Variants in PCDHGA11 observed in about 807,000 individuals in gnomAD.
PCDHGA11 encodes protocadherin gamma subfamily A, 11.
PCDHGA11 carries 39 observed loss-of-function variants against 60.4 expected under a neutral mutation model. The observed-to-expected ratio is 0.65, with a 90% CI of 0.50 to 0.84. The LOEUF is 0.84. Ranked by LOEUF, PCDHGA11 falls within the 40% of genes least tolerant of loss-of-function variation. The pLI is 0.00. For missense variants in PCDHGA11, 1,165 were observed against 1,197.7 expected (o/e 0.97, Z 0.40); for synonymous variants, 533 against 510.3 (o/e 1.04, Z -0.60).
chr5:141,453,099 C>CT (rs568622146), intron 1 of PCDHGA11, among the ~76,000 whole-genome samples: 1 of 151,962 alleles, frequency 6.6e-6, no homozygotes, highest in East Asian at 1.9e-4. Flanking sequence ...TTTTCTGTTG[C>CT]TTTTTTGTTT....
Position 141,421,863 on chromosome 5 carries a change from C to T in PCDHGA11, c.636C>T (p.Leu212=), listed in dbSNP as rs767555107. Reference sequence around the variant, plus strand: ...AGAAAGAGGCTGCTCACCTGCTCCTCCTCACAGCTTTAGATGGAGGCGATC... The same window carrying T: ...AGAAAGAGGCTGCTCACCTGCTCCTTCTCACAGCTTTAGATGGAGGCGATC... ...DREKEAAHLL[L]LTALDGGDPI... Residue 212 remains leucine, a synonymous_variant, in exon 1 of 4, where the codon CTC becomes CTT. Transcript: ENST00000398587. The T allele has an allele frequency of 6.2e-7, 1 of 1,613,746 alleles. No individual in the cohort carries two copies. The highest frequency in any genetic ancestry group is 8.5e-7 in the Non-Finnish European group (1 of 1,179,890).
Position 141,489,358 on chromosome 5 carries a change from G to C in PCDHGA11, c.2434-5449G>C. 1 of 1,613,144 alleles carries C rather than the reference G, an allele frequency of 6.2e-7. No homozygotes were observed. The highest frequency in any genetic ancestry group is 1.7e-4 in the Middle Eastern group (1 of 6,052). On this transcript the variant is annotated intron_variant, in intron 1 of 3. Coordinates refer to ENST00000398587, the MANE Select transcript of PCDHGA11 (RefSeq NM_018914.3). The surrounding 1 kb of genome is among the most constrained non-coding windows in gnomAD (Gnocchi z 4.5). ...TCGTTACTCAGTGGTGGAGGAGTCT[G>C]AGCCGGGGACGCTGGTGGGGAATGT...
Position 141,485,181 on chromosome 5 carries a change from G to C in PCDHGA11, c.2434-9626G>C. 1 of 1,612,942 alleles carries C rather than the reference G, an allele frequency of 6.2e-7. No individual in the cohort carries two copies. Among genetic ancestry groups the C allele is most frequent in the East Asian group, 2.2e-5 (1 of 44,868 alleles). On this transcript the variant is annotated intron_variant, in intron 1 of 3. Transcript: ENST00000398587. This position sits in a 1 kb window ranked among gnomAD's most constrained non-coding sequence, Gnocchi z 5.7. ...AATTAGCGGGCGGCAGCAATGCTCC[G>C]CAAGGTGAGAAGCTGGACAGAAATC...
At position 141,490,118 on chromosome 5, in the gene PCDHGA11, T is replaced by G. The variant is rs1448768968; in HGVS notation, c.2434-4689T>G. The G allele has an allele frequency of 6.2e-7, 1 of 1,614,158 alleles. No individual in the cohort carries two copies. Among genetic ancestry groups the G allele is most frequent in the Non-Finnish European group, 8.5e-7 (1 of 1,180,048 alleles). On this transcript the variant is annotated intron_variant, in intron 1 of 3. Transcript: ENST00000398587. This position sits in a 1 kb window ranked among gnomAD's most constrained non-coding sequence, Gnocchi z 5.4. ...ACATCTGAGGCAGTGCGGAACCTCT[T>G]TGGCCTAGACCCTAGCAGTGGGGCA...
At chr5:141,454,567 C>T (rs572130062) in intron 1 of PCDHGA11, among the ~76,000 whole-genome samples, 10 of 150,966 alleles carry the variant, frequency 6.6e-5, no homozygotes, top group South Asian at 2.1e-4. Context: ...CCACCACGCC[C>T]GGCTAATTTT....
chr5:141,451,037 C>T (rs1293972996), intron 1 of PCDHGA11, among the ~76,000 whole-genome samples: 1 of 151,594 alleles, frequency 6.6e-6, no homozygotes, highest in Middle Eastern at 3.2e-3. Context: ...ACCATATTGG[C>T]CAGGCTGGTC....
At position 141,421,467 on chromosome 5, in the gene PCDHGA11, G is replaced by T. The variant is rs1436543181; in HGVS notation, c.240G>T (p.Pro80=). 1 of 1,614,132 alleles carries T rather than the reference G, an allele frequency of 6.2e-7. No homozygotes were observed. The highest frequency in any genetic ancestry group is 1.1e-5 in the South Asian group (1 of 91,088). ...AGACACAGCTTTTCGCTGTGAATCC[G>T]CGAAGCGGCAGCTTGATCACGGCAG... ...RGKTQLFAVN[P]RSGSLITAGR... is the part of the protein sequence containing the mutation. The change falls in exon 1 of 4, where the codon CCG becomes CCT. Residue 80 remains proline (P), a synonymous_variant. Transcript: ENST00000398587.
At chr5:141,465,852 G>A (rs1250863307) in intron 1 of PCDHGA11, among the ~76,000 whole-genome samples, 1 of 151,996 alleles carries the variant, frequency 6.6e-6, no homozygotes, top group East Asian at 1.9e-4. Context: ...GCTGGGCCCA[G>A]TGGCTCATGC....
chr5:141,461,921 T>G (rs2099026403), intron 1 of PCDHGA11, among the ~76,000 whole-genome samples: 1 of 152,222 alleles, frequency 6.6e-6, no homozygotes, highest in Non-Finnish European at 1.5e-5. Flanking sequence ...CCTCCTGGGT[T>G]CCAGCAATTC....
rs1215626157 is a variant in PCDHGA11, at chr5:141,487,804, GT to G, written c.2434-7000del. ...TCGTGAATTAACCAGAGTTGTCACAGTTTAGCATTGGGGGCGGGTCATGCCT... is the reference window on the plus strand; with the variant it reads ...TCGTGAATTAACCAGAGTTGTCACAGTTAGCATTGGGGGCGGGTCATGCCT... On this transcript the variant is annotated intron_variant, in intron 1 of 3. Transcript: ENST00000398587. The surrounding 1 kb of genome is among the most constrained non-coding windows in gnomAD (Gnocchi z 5.0). 15 of 1,451,846 alleles carry G rather than the reference GT, an allele frequency of 1.0e-5. No homozygotes were observed. The highest frequency in any genetic ancestry group is 1.3e-5 in the Non-Finnish European group (14 of 1,072,382). 89.9% of individuals were successfully genotyped at this position (1,451,846 alleles called of 1,614,324 possible).
Position 141,493,359 on chromosome 5 carries a change from G to A in PCDHGA11, c.2434-1448G>A, listed in dbSNP as rs956980110. Among the ~76,000 whole-genome samples the A allele has an allele frequency of 2.6e-5, 4 of 152,148 alleles. No homozygotes were observed. The highest frequency in any genetic ancestry group is 9.7e-5 in the African/African-American group (4 of 41,418). ...CCAGAATGTGTGCTTTTAATTTCTT[G>A]GCACTTGGAACTTTAAAAGCTTGAG... On this transcript the variant is annotated intron_variant, in intron 1 of 3. Transcript: ENST00000398587. This position sits in a 1 kb window ranked among gnomAD's most constrained non-coding sequence, Gnocchi z 4.3.
intron 1 of PCDHGA11, chr5:141,478,018 C>T: frequency 1.9e-6 from 3 of 1,614,124 alleles, no homozygotes; most frequent in Non-Finnish European, 2.5e-6. Context: ...CCCGTCCAGT[C>T]CAAGACACAG....
rs752316565 is a variant in PCDHGA11 at position 141,487,235 on chromosome 5, C to T, written c.2434-7572C>T. On this transcript the variant is annotated intron_variant, in intron 1 of 3. Coordinates refer to ENST00000398587, the MANE Select transcript of PCDHGA11 (RefSeq NM_018914.3). This position sits in a 1 kb window ranked among gnomAD's most constrained non-coding sequence, Gnocchi z 5.0. The stretch of plus-strand genomic sequence containing the variant: ...TTCAGCTCCAAGGGAAGGAGAATCT[C>T]GTCTAACCCTCTACTTGGCTGTGTC... The T allele has an allele frequency of 2.5e-6, 4 of 1,614,126 alleles. No individual in the cohort carries two copies. Among genetic ancestry groups the T allele is most frequent in the Non-Finnish European group, 3.4e-6 (4 of 1,179,994 alleles).
chr5:141,468,055 T>G (rs2099156893), intron 1 of PCDHGA11, among the ~76,000 whole-genome samples: 1 of 152,096 alleles, frequency 6.6e-6, no homozygotes, highest in Admixed American at 6.5e-5. Flanking sequence ...CCGGGCACAG[T>G]GGCTCACACC....
Position 141,489,179 on chromosome 5 carries a change from C to T in PCDHGA11, c.2434-5628C>T. ...AGACTTCAGCTGCTGCATTCCAAGC[C>T]CTGGGTCTACCTTGGAGACAGGACA... On this transcript the variant is annotated intron_variant, in intron 1 of 3. Coordinates refer to ENST00000398587, the MANE Select transcript of PCDHGA11 (RefSeq NM_018914.3). The surrounding 1 kb of genome is among the most constrained non-coding windows in gnomAD (Gnocchi z 4.5). The T allele has an allele frequency of 8.0e-7, 1 of 1,243,186 alleles. No individual in the cohort carries two copies. The highest frequency in any genetic ancestry group is 1.1e-6 in the Non-Finnish European group (1 of 890,032). The allele number at this position is 1,243,186 out of a possible 1,614,324, so 77.0% of individuals were successfully genotyped here. A position where few individuals can be genotyped will look rare whatever the true frequency, so the allele number is the denominator to read the frequency against.
chr5:141,442,561 G>C (rs2098332268), intron 1 of PCDHGA11: 1 of 152,198 alleles, frequency 6.6e-6, no homozygotes, highest in African/African-American at 2.4e-5. Context: ...ACTAAGTTCA[G>C]TCACAAGCAG....
intron 1 of PCDHGA11, chr5:141,424,569 C>A (rs1436039976): frequency 6.6e-6 from 1 of 151,996 alleles, no homozygotes; most frequent in African/African-American, 2.4e-5. Flanking sequence ...TCTCAAAAAC[C>A]TATTTTCAAA....
chr5:141,478,116 C>T (rs145816520), intron 1 of PCDHGA11: 1 of 1,613,974 alleles, frequency 6.2e-7, no homozygotes, highest in Non-Finnish European at 8.5e-7. Flanking sequence ...GTGTCAGTAA[C>T]CGAGGACTCT....
Position 141,423,233 on chromosome 5 carries a change from TC to T in PCDHGA11, c.2010del (p.Glu671LysfsTer72). On this transcript the variant is annotated frameshift_variant, in exon 1 of 4. Transcript: ENST00000398587. LOFTEE classifies it high-confidence loss of function. ...VTLTVAVADS[I>X]PEVLADLGSL... ...CTCACCGTGGCTGTGGCCGACAGCA[TC>T]CCCGAAGTCCTGGCGGACCTCGGCA... 1 of 1,613,860 alleles carries T rather than the reference TC, an allele frequency of 6.2e-7. No homozygotes were observed. The highest frequency in any genetic ancestry group is 8.5e-7 in the Non-Finnish European group (1 of 1,180,022).
Sources: allele counts gnomAD v4.1 joint callset (sites outside exome capture counted in the v4.1 genomes callset), GRCh38; gene constraint gnomAD v4.1.1; non-coding constraint Gnocchi (gnomAD v3.1); transcripts MANE v1.5; gene names NCBI Gene and HGNC (gene_info 2026-07-23, HGNC 2026-07-21).